CCDC14: variants seen among roughly 807,000 people sequenced by gnomAD.
The protein encoded by CCDC14 is coiled-coil domain-containing protein 14.
CCDC14 carries 71 observed loss-of-function variants against 81.4 expected under a neutral mutation model. That is an observed-to-expected ratio of 0.87 (90% CI 0.72 to 1.06). The LOEUF is 1.06. Ranked by LOEUF, CCDC14 falls within the 50% of genes least tolerant of loss-of-function variation. CCDC14 has a pLI of 0.00. For synonymous variants in CCDC14, 332 were observed against 364.8 expected (o/e 0.91, Z 1.03); for missense variants, 1,046 against 1,047.3 (o/e 1.00, Z 0.02).
intron 12 of CCDC14, among the ~76,000 whole-genome samples, chr3:123,916,537 T>G (rs1453693519): frequency 6.6e-6 from 1 of 151,626 alleles, no homozygotes; most frequent in East Asian, 1.9e-4. Context: ...GAGATAATTA[T>G]CTGGCATAAT....
downstream of CCDC14, among the ~76,000 whole-genome samples, chr3:123,913,100 T>C (rs372397707): frequency 1.9e-4 from 29 of 152,356 alleles, 1 homozygote; most frequent in African/African-American, 7.0e-4. Context: ...ACTCACTATG[T>C]ATTCTATCCT....
At chr3:123,952,640 TATC>T in intron 5 of CCDC14, 1 of 528,128 alleles carries the variant, frequency 1.9e-6, no homozygotes, top group Non-Finnish European at 3.9e-6. Flanking sequence ...TCAATGATCA[TATC>T]ATCCCAGATA....
At position 123,914,624 on chromosome 3, in the gene CCDC14, A is replaced by C; in HGVS notation, c.*155T>G. 7.6e-7 allele frequency: 1 copy of C among 1,315,560 alleles called. No individual in the cohort carries two copies. The highest frequency in any genetic ancestry group is 9.7e-7 in the Non-Finnish European group (1 of 1,035,600). The allele number at this position is 1,315,560 out of a possible 1,614,324, so 81.5% of individuals were successfully genotyped here. ...GATGACTTGTTTTTATAAGCTCCTC[A>C]GTGTCAATATATCTCAACAATACAT... On this transcript the variant is annotated 3_prime_UTR_variant, in exon 13 of 13. Transcript: ENST00000409697.
chr3:123,951,381 AAAGT>A (rs1476985202), intron 5 of CCDC14, among the ~76,000 whole-genome samples: 1 of 152,234 alleles, frequency 6.6e-6, no homozygotes, highest in Non-Finnish European at 1.5e-5. Flanking sequence ...ATTAAAATCA[AAAGT>A]AATAAGAGTT....
At chr3:123,924,840 T>C (rs961987594) in intron 12 of CCDC14, among the ~76,000 whole-genome samples, 2 of 151,992 alleles carry the variant, frequency 1.3e-5, no homozygotes, top group Non-Finnish European at 2.9e-5. Flanking sequence ...TGGGAAACAG[T>C]ATGGAAGCTC....
intron 5 of CCDC14, among the ~76,000 whole-genome samples, chr3:123,901,901 C>T (rs2034186419): frequency 6.6e-6 from 1 of 152,174 alleles, no homozygotes; most frequent in East Asian, 1.9e-4. Flanking sequence ...GCCCAACAAA[C>T]ATATGAATAT....
chr3:123,926,155 G>A (rs1202186436), intron 12 of CCDC14, among the ~76,000 whole-genome samples: 1 of 152,054 alleles, frequency 6.6e-6, no homozygotes. Context: ...GATAAAGAAA[G>A]GAAGGGACAA....
intron 9 of CCDC14, among the ~76,000 whole-genome samples, chr3:123,944,591 A>G (rs562230678): frequency 6.6e-6 from 1 of 152,288 alleles, no homozygotes; most frequent in South Asian, 2.1e-4. Flanking sequence ...ATAAATATAC[A>G]GAGGTACTTC....
intron 12 of CCDC14, among the ~76,000 whole-genome samples, chr3:123,928,690 G>A (rs997334062): frequency 6.6e-6 from 1 of 152,020 alleles, no homozygotes; most frequent in Non-Finnish European, 1.5e-5. Flanking sequence ...ATAAACAAAC[G>A]AATCCATCCA....
intron 9 of CCDC14, 123 bp downstream of exon 9, chr3:123,944,726 A>G: frequency 1.7e-6 from 1 of 604,500 alleles, no homozygotes; most frequent in Admixed American, 3.6e-5. Flanking sequence ...GAAGAAAAGT[A>G]GAAATACAGT....
At chr3:123,921,830 G>A (rs1054709181) in intron 12 of CCDC14, among the ~76,000 whole-genome samples, 1 of 152,328 alleles carries the variant, frequency 6.6e-6, no homozygotes, top group Non-Finnish European at 1.5e-5. Flanking sequence ...ATCCTGGGCT[G>A]CATGTGGCTC....
Position 123,933,662 on chromosome 3 carries a change from C to G in CCDC14, c.1426+11G>C, listed in dbSNP as rs367691891. 1.9e-6 allele frequency: 3 copies of G among 1,549,416 alleles called. No individual in the cohort carries two copies. On this transcript the variant is annotated intron_variant, in intron 10 of 12. Coordinates refer to ENST00000409697, the MANE Select transcript of CCDC14 (RefSeq NM_001366335.1). Reference sequence around the variant, plus strand: ...AAATAATTTATCAATCCTTAAAGTTCTTTTACCTACATTCAAGGTTGCAAT... The same window carrying G: ...AAATAATTTATCAATCCTTAAAGTTGTTTTACCTACATTCAAGGTTGCAAT...
intron 7 of CCDC14, among the ~76,000 whole-genome samples, chr3:123,948,299 C>T (rs980893994): frequency 7.3e-5 from 11 of 150,734 alleles, no homozygotes; most frequent in South Asian, 2.1e-4. Context: ...TGCAGTGGCG[C>T]GATCTCACTC....
Position 123,914,126 on chromosome 3 carries a change from T to C in CCDC14, c.*653A>G, listed in dbSNP as rs9838637. 1,885 of 985,760 alleles carry C rather than the reference T, an allele frequency of 1.9e-3. 31 individuals carry two copies. The African/African-American group carries it at 0.031, about 16-fold the overall frequency. The allele number at this position is 985,760 out of a possible 1,614,324, so 61.1% of individuals were successfully genotyped here. A position where few individuals can be genotyped will look rare whatever the true frequency, so the allele number is the denominator to read the frequency against. The stretch of plus-strand genomic sequence containing the variant: ...GTTAGCACTTCTTTATCAGTCTGAC[T>C]ATTCTTTAAAGGCCTTAAAACATGA... On this transcript the variant is annotated 3_prime_UTR_variant, in exon 13 of 13. Transcript: ENST00000409697.
intron 12 of CCDC14, among the ~76,000 whole-genome samples, chr3:123,923,937 TA>T (rs2148821841): frequency 7.2e-6 from 1 of 139,276 alleles, no homozygotes; most frequent in African/African-American, 2.6e-5. Context: ...AGAAATAGAA[TA>T]AACTATCCTA....
At chr3:123,909,899 T>C (rs1176236694), downstream of CCDC14, among the ~76,000 whole-genome samples, 2 of 152,186 alleles carry the variant, frequency 1.3e-5, no homozygotes, top group Admixed American at 6.5e-5. Context: ...TCACAACATC[T>C]GGTTAAGGTG....
chr3:123,924,539 T>A (rs1332629592), intron 12 of CCDC14, among the ~76,000 whole-genome samples: 1 of 151,846 alleles, frequency 6.6e-6, no homozygotes, highest in East Asian at 1.9e-4. Flanking sequence ...AAACCGTACG[T>A]GATAAGGGGT....
At position 123,915,102 on chromosome 3, in the gene CCDC14, T is replaced by C. The variant is rs778755373; in HGVS notation, c.2395A>G (p.Arg799Gly). 4.1e-5 allele frequency: 66 copies of C among 1,613,874 alleles called. No individual in the cohort carries two copies. The highest frequency in any genetic ancestry group is 5.1e-5 in the Non-Finnish European group (60 of 1,179,880). The change falls in exon 13 of 13, where the codon AGA (arginine) becomes GGA (glycine). Residue 799 changes from arginine (R) to glycine (G), a missense_variant. Arg to Gly is a moderately radical substitution (Grantham distance 125). Coordinates refer to ENST00000409697, the MANE Select transcript of CCDC14 (RefSeq NM_001366335.1). ...EAEDAPEKLSRASDMKDTQLL... is the reference protein window; with the variant it reads ...EAEDAPEKLSGASDMKDTQLL... ...TGTGTGTCCTTCATATCAGATGCTC[T>C]GGAAAGTTTTTCAGGTGCATCTTCT...
At position 123,947,079 on chromosome 3, in the gene CCDC14, G is replaced by A; in HGVS notation, c.925C>T (p.Leu309Phe). ...LLKCIQTYLS[L>F]FRSHGKETHL... is the part of the protein sequence containing the mutation. ...GTTTCTTTTCCATGAGATCGAAAAA[G>A]AGACAAATATGTTTGAATACATTTT... is the stretch of plus-strand genomic sequence containing the variant. The change falls in exon 8 of 13, where the codon CTT becomes TTT. Residue 309 changes from leucine (L) to phenylalanine (F), a missense_variant. Coordinates refer to ENST00000409697, the MANE Select transcript of CCDC14 (RefSeq NM_001366335.1). 6.2e-7 allele frequency: 1 copy of A among 1,613,984 alleles called. No homozygotes were observed. The highest frequency in any genetic ancestry group is 8.5e-7 in the Non-Finnish European group (1 of 1,179,888).
Sources: gnomAD v4.1 joint callset for allele counts (sites outside exome capture counted in the v4.1 genomes callset) on GRCh38, gnomAD v4.1.1 for gene constraint, MANE v1.5 for transcripts, NCBI Gene and HGNC (gene_info 2026-07-23, HGNC 2026-07-21) for gene names.